RPS6KA2: variants seen among roughly 807,000 people sequenced by gnomAD.
RPS6KA2 encodes ribosomal protein S6 kinase A2, also known as ribosomal protein S6 kinase alpha-2.
In RPS6KA2, 42 loss-of-function variants were observed where a neutral mutation model predicts 91.8. The ratio of observed to expected loss-of-function variants is 0.46; its 90% confidence interval spans 0.36 to 0.59. The LOEUF (loss-of-function observed/expected upper bound fraction) is 0.59. Ranked by LOEUF, RPS6KA2 falls within the 20% of genes least tolerant of loss-of-function variation. The pLI, the probability that RPS6KA2 is intolerant of heterozygous loss-of-function variation, is 0.00. For synonymous variants in RPS6KA2, 414 were observed against 393.6 expected (o/e 1.05, Z -0.61); for missense variants, 798 against 978.5 (o/e 0.82, Z 2.46).
At chr6:166,705,168 TA>T (rs1272950333) in intron 2 of RPS6KA2, among the ~76,000 whole-genome samples, 1 of 152,224 alleles carries the variant, frequency 6.6e-6, no homozygotes, top group East Asian at 1.9e-4. Flanking sequence ...AACATGTCAA[TA>T]CCTCTTGCAG....
At chr6:166,742,612 G>C (rs556798030) in intron 2 of RPS6KA2, among the ~76,000 whole-genome samples, 2 of 152,110 alleles carry the variant, frequency 1.3e-5, no homozygotes, top group Non-Finnish European at 2.9e-5. Flanking sequence ...TGCATCCTAG[G>C]TCCTTCATCC....
chr6:166,473,726 C>T (rs1331433673), intron 10 of RPS6KA2, among the ~76,000 whole-genome samples: 1 of 152,036 alleles, frequency 6.6e-6, no homozygotes, highest in African/African-American at 2.4e-5. Context: ...GTTTGAGAGT[C>T]ACACAAACCC....
At chr6:166,824,753 CTGTG>C (rs1218929000) in intron 2 of RPS6KA2, among the ~76,000 whole-genome samples, 1 of 108,804 alleles carries the variant, frequency 9.2e-6, no homozygotes, top group African/African-American at 3.6e-5. Context: ...GTCTGTATGT[CTGTG>C]TGTGTGTCTG....
chr6:166,862,103 C>T, intron 1 of RPS6KA2: 1 of 1,614,230 alleles, frequency 6.2e-7, no homozygotes, highest in South Asian at 1.1e-5. Flanking sequence ...CTCTCCTGCA[C>T]TCACCTCTAT....
chr6:166,672,394 C>T (rs1444116275), intron 2 of RPS6KA2, among the ~76,000 whole-genome samples: 2 of 152,184 alleles, frequency 1.3e-5, no homozygotes, highest in African/African-American at 4.8e-5. Context: ...AGTCAACCCA[C>T]GGATGCTAAT....
chr6:166,812,503 G>A (rs1779664800), intron 2 of RPS6KA2, among the ~76,000 whole-genome samples: 2 of 152,152 alleles, frequency 1.3e-5, no homozygotes, highest in Admixed American at 6.5e-5. Flanking sequence ...TGAGTGTGGG[G>A]AGATGTCCCT....
chr6:166,758,350 G>A (rs491700), intron 2 of RPS6KA2, among the ~76,000 whole-genome samples: 86,843 of 152,028 alleles, frequency 0.57, 25,317 homozygotes, highest in South Asian at 0.68. Flanking sequence ...GGGCTAACTC[G>A]GAATATGTCC....
At chr6:166,472,364 T>C (rs959062302) in intron 10 of RPS6KA2, among the ~76,000 whole-genome samples, 1 of 152,238 alleles carries the variant, frequency 6.6e-6, no homozygotes, top group African/African-American at 2.4e-5. Flanking sequence ...GGTATTGGTA[T>C]AACTACTATG....
At chr6:166,560,681 A>G (rs1213853288) in intron 1 of RPS6KA2, among the ~76,000 whole-genome samples, 2 of 145,932 alleles carry the variant, frequency 1.4e-5, no homozygotes, top group Non-Finnish European at 3.0e-5. Flanking sequence ...GTGGGAGGGG[A>G]GGGAGGGCAG....
chr6:166,558,045 T>C (rs919216742), intron 1 of RPS6KA2, among the ~76,000 whole-genome samples: 1 of 151,994 alleles, frequency 6.6e-6, no homozygotes, highest in Non-Finnish European at 1.5e-5. Context: ...TAGGTGTGTA[T>C]GTATGTGTCT....
chr6:166,507,158 T>C (rs1228653358), intron 5 of RPS6KA2, among the ~76,000 whole-genome samples: 1 of 152,012 alleles, frequency 6.6e-6, no homozygotes, highest in Non-Finnish European at 1.5e-5. Flanking sequence ...TCCCTCCCTC[T>C]TCCCAGGATG....
At chr6:166,680,634 T>C (rs1258899488) in intron 2 of RPS6KA2, among the ~76,000 whole-genome samples, 3 of 152,180 alleles carry the variant, frequency 2.0e-5, no homozygotes, top group Admixed American at 6.5e-5. Flanking sequence ...GCCAACCTTA[T>C]GAACTGTAAC....
intron 1 of RPS6KA2, among the ~76,000 whole-genome samples, chr6:166,579,156 T>A (rs993052549): frequency 2.0e-5 from 3 of 152,246 alleles, no homozygotes; most frequent in African/African-American, 7.2e-5. Flanking sequence ...GGGTTTGTGA[T>A]CTTAGACAAG....
At chr6:166,598,493 T>C (rs1331373556) in intron 1 of RPS6KA2, among the ~76,000 whole-genome samples, 1 of 152,236 alleles carries the variant, frequency 6.6e-6, no homozygotes, top group African/African-American at 2.4e-5. Context: ...CATTTGGAGC[T>C]AATGGCATTG....
Position 166,735,577 on chromosome 6 carries a change from G to A in RPS6KA2, c.123+122623C>T, listed in dbSNP as rs80057142. Among the ~76,000 whole-genome samples the A allele has an allele frequency of 4.9e-3, 746 of 152,264 alleles. 13 individuals are homozygous for A. Among genetic ancestry groups the A allele is most frequent in the East Asian group, 0.044 (226 of 5,188 alleles). ...TAAGCTTGTTTTCCCGCAACTAAACGGTCTCATGTGGGGGTGATGGGAGAT... is the reference window on the plus strand; with the variant it reads ...TAAGCTTGTTTTCCCGCAACTAAACAGTCTCATGTGGGGGTGATGGGAGAT... On this transcript the variant is annotated intron_variant, in intron 2 of 21. Coordinates refer to the RPS6KA2 transcript ENST00000503859.
intron 2 of RPS6KA2, among the ~76,000 whole-genome samples, chr6:166,826,305 A>G (rs2128624958): frequency 6.6e-6 from 1 of 152,344 alleles, no homozygotes; most frequent in East Asian, 1.9e-4. Context: ...CCATTGCCAC[A>G]CCTTAGCTGT....
chr6:166,753,615 G>T (rs1307526560), intron 2 of RPS6KA2, among the ~76,000 whole-genome samples: 1 of 152,042 alleles, frequency 6.6e-6, no homozygotes, highest in Non-Finnish European at 1.5e-5. Context: ...TCATCCACAG[G>T]GACATAAAGT....
Position 166,435,891 on chromosome 6 carries a change from G to GCCCAGCCGCTGAGCCAGTCTGAGC in RPS6KA2, c.1333-3425_1333-3402dup, listed in dbSNP as rs1779282848. 6.6e-6 allele frequency among the ~76,000 whole-genome samples: 1 copy of GCCCAGCCGCTGAGCCAGTCTGAGC among 152,210 alleles called. No homozygotes were observed. Among genetic ancestry groups the GCCCAGCCGCTGAGCCAGTCTGAGC allele is most frequent in the Non-Finnish European group, 1.5e-5 (1 of 68,032 alleles). ...GAGGCCACGTGCTGCGTGGTTGGCG[G>GCCCAGCCGCTGAGCCAGTCTGAGC]CCCAGCCGCTGAGCCAGTCTGAGCC... On this transcript the variant is annotated intron_variant, in intron 14 of 20. Coordinates refer to ENST00000265678, the MANE Select transcript of RPS6KA2 (RefSeq NM_021135.6). This position sits in a 1 kb window ranked among gnomAD's most constrained non-coding sequence, Gnocchi z 4.3.
intron 1 of RPS6KA2, among the ~76,000 whole-genome samples, chr6:166,860,260 G>A (rs1205497149): frequency 1.3e-5 from 2 of 152,090 alleles, no homozygotes; most frequent in Admixed American, 1.3e-4. Flanking sequence ...TCCACCAGCT[G>A]TGCTCTCCTG....
Sources: gnomAD v4.1 joint callset for allele counts (sites outside exome capture counted in the v4.1 genomes callset) on GRCh38, gnomAD v4.1.1 for gene constraint, Gnocchi (gnomAD v3.1) non-coding constraint, MANE v1.5 for transcripts, NCBI Gene and HGNC (gene_info 2026-07-23, HGNC 2026-07-21) for gene names.